The following ELF1 variants were observed in gnomAD, a reference collection of about 807,000 sequenced individuals.
ELF1 encodes the protein E74 like ETS transcription factor 1.
In ELF1, 24 loss-of-function variants were observed where a neutral mutation model predicts 59.9. The ratio of observed to expected loss-of-function variants is 0.40; its 90% CI spans 0.29 to 0.56. The LOEUF is 0.56. Among genes scored for constraint, ELF1 ranks in the 20% least tolerant of loss-of-function variants. ELF1 has a pLI of 0.44. For synonymous variants in ELF1, 248 were observed against 266.2 expected (o/e 0.93, Z 0.67); for missense variants, 627 against 742.2 (o/e 0.84, Z 1.80).
intron 1 of ELF1, among the ~76,000 whole-genome samples, chr13:41,045,517 A>C (rs577522056): frequency 6.6e-6 from 1 of 152,172 alleles, no homozygotes; most frequent in East Asian, 1.9e-4. Flanking sequence ...TTCAAAGAAC[A>C]TGTTTATTTC....
chr13:40,949,690 A>G (rs962971479), intron 5 of ELF1, 116 bp downstream of exon 5: 21 of 1,284,028 alleles, frequency 1.6e-5, no homozygotes, highest in Admixed American at 2.4e-5. Flanking sequence ...TGTGCCTTCA[A>G]TGTTTTTCTT....
At chr13:41,029,412 G>C (rs1593403222) in intron 1 of ELF1, among the ~76,000 whole-genome samples, 2 of 151,804 alleles carry the variant, frequency 1.3e-5, no homozygotes, top group Admixed American at 1.3e-4. Flanking sequence ...TATTTTTTTT[G>C]AAACAGTCCT....
At chr13:41,026,602 C>T (rs1875931245) in intron 1 of ELF1, among the ~76,000 whole-genome samples, 1 of 152,180 alleles carries the variant, frequency 6.6e-6, no homozygotes, top group Non-Finnish European at 1.5e-5. Flanking sequence ...TTGCCATCAA[C>T]TGCAGATAAT....
Position 40,933,670 on chromosome 13 carries a change from G to C in ELF1, c.1615C>G (p.Pro539Ala). ...SATAPVVTFS[P>A]RSSQLVAHPP... ...TGAGCAACCAGCTGTGAACTGCGAGGAGAAAAGGTCACCACAGGTGCAGTA... is the reference window on the plus strand; with the variant it reads ...TGAGCAACCAGCTGTGAACTGCGAGCAGAAAAGGTCACCACAGGTGCAGTA... The change falls in exon 9 of 9, where the codon CCT (proline) becomes GCT (alanine). Residue 539 changes from proline to alanine, a missense_variant. Coordinates refer to ENST00000239882, the MANE Select transcript of ELF1 (RefSeq NM_172373.4). The C allele has an allele frequency of 6.2e-7, 1 of 1,614,264 alleles. No individual in the cohort carries two copies. Among genetic ancestry groups the C allele is most frequent in the Non-Finnish European group, 8.5e-7 (1 of 1,180,060 alleles).
chr13:41,042,416 G>A (rs957498873), intron 1 of ELF1, among the ~76,000 whole-genome samples: 6 of 151,292 alleles, frequency 4.0e-5, no homozygotes, highest in Admixed American at 6.6e-5. Context: ...CCATTAACTC[G>A]TCATTTATAT....
intron 3 of ELF1, among the ~76,000 whole-genome samples, chr13:40,954,038 A>G (rs1871036596): frequency 6.6e-6 from 1 of 152,166 alleles, no homozygotes; most frequent in African/African-American, 2.4e-5. Flanking sequence ...CTAAACCCCC[A>G]CTAACTACAA....
At chr13:40,957,161 G>A (rs1396883301) in intron 3 of ELF1, among the ~76,000 whole-genome samples, 1 of 114,012 alleles carries the variant, frequency 8.8e-6, no homozygotes, top group Non-Finnish European at 2.1e-5. Context: ...GATGACCATA[G>A]TGAGGCCTGC....
intron 1 of ELF1, among the ~76,000 whole-genome samples, chr13:41,040,335 T>C (rs747758877): frequency 4.6e-5 from 7 of 152,212 alleles, no homozygotes; most frequent in Non-Finnish European, 1.0e-4. Context: ...GGTACAGGTA[T>C]GGAAAAATCT....
intron 7 of ELF1, among the ~76,000 whole-genome samples, chr13:40,942,342 T>C (rs1870225962): frequency 6.6e-6 from 1 of 152,194 alleles, no homozygotes; most frequent in African/African-American, 2.4e-5. Context: ...AATACATCTT[T>C]CTCAAATACA....
chr13:40,973,389 C>G (rs1724972201), intron 2 of ELF1, among the ~76,000 whole-genome samples: 2 of 152,110 alleles, frequency 1.3e-5, no homozygotes, highest in Admixed American at 1.3e-4. Context: ...GTTACTATTT[C>G]TAAAACACAC....
chr13:41,022,918 A>G (rs1875745107), upstream of ELF1, among the ~76,000 whole-genome samples: 1 of 152,178 alleles, frequency 6.6e-6, no homozygotes, highest in South Asian at 2.1e-4. Flanking sequence ...AGTTCTGCAC[A>G]TGTACCCCAG....
At chr13:40,956,136 G>A (rs1344216917) in intron 3 of ELF1, among the ~76,000 whole-genome samples, 1 of 150,246 alleles carries the variant, frequency 6.7e-6, no homozygotes, top group South Asian at 2.2e-4. Context: ...AGAAAGGGGG[G>A]AAAGGTGGGG....
chr13:41,011,761 A>C (rs1029510043), intron 1 of ELF1, among the ~76,000 whole-genome samples: 2 of 151,950 alleles, frequency 1.3e-5, no homozygotes, highest in Non-Finnish European at 1.5e-5. Context: ...TAACTGATGC[A>C]GAGTTTTCAT....
upstream of ELF1, among the ~76,000 whole-genome samples, chr13:41,023,280 C>G (rs1875757823): frequency 6.6e-6 from 1 of 152,124 alleles, no homozygotes; most frequent in Admixed American, 6.5e-5. Context: ...CTCAAAACTT[C>G]TAGTACAAAA....
At chr13:41,008,967 TTA>T (rs1491365210) in intron 1 of ELF1, among the ~76,000 whole-genome samples, 2 of 151,754 alleles carry the variant, frequency 1.3e-5, no homozygotes, top group Admixed American at 6.6e-5. Flanking sequence ...ACTTTTTTTT[TTA>T]AAAAAAACAG....
chr13:40,979,251 T>C (rs922942167), intron 2 of ELF1, among the ~76,000 whole-genome samples: 1 of 151,824 alleles, frequency 6.6e-6, no homozygotes, highest in Admixed American at 6.6e-5. Context: ...AAAATTATAG[T>C]GCTCCGTAAA....
rs199763794 is a variant in ELF1, at chr13:40,958,831, C to T, written c.253+5G>A. The stretch of plus-strand genomic sequence containing the variant: ...CAAGGTCCTACTGGATGGAGACACA[C>T]GCACCTGTAAGGGTGATGTCATCAT... On this transcript the variant is annotated splice_donor_5th_base_variant and intron_variant, in intron 3 of 8. Coordinates refer to ENST00000239882, the MANE Select transcript of ELF1 (RefSeq NM_172373.4). 206 of 1,603,884 alleles carry T rather than the reference C, an allele frequency of 1.3e-4. No homozygotes were observed. The highest frequency in any genetic ancestry group is 2.0e-4 in the Admixed American group (12 of 58,882).
chr13:40,959,531 C>A lies in ELF1; in HGVS notation c.73-515G>T, dbSNP rs139906019. On this transcript the variant is annotated intron_variant, in intron 2 of 8. Transcript: ENST00000239882. ...TAAAATAAATAATAATAATAAGATGCCATTAATGCATAAGCATGAACCAAG... is the reference window on the plus strand; with the variant it reads ...TAAAATAAATAATAATAATAAGATGACATTAATGCATAAGCATGAACCAAG... 1.9e-3 allele frequency among the ~76,000 whole-genome samples: 295 copies of A among 151,900 alleles called. 3 individuals are homozygous for A. In the East Asian group the frequency reaches 0.037, roughly 19 times the overall value.
chr13:41,052,846 T>C (rs998649385), intron 1 of ELF1, among the ~76,000 whole-genome samples: 1 of 152,234 alleles, frequency 6.6e-6, no homozygotes, highest in African/African-American at 2.4e-5. Flanking sequence ...CTTGTAAACC[T>C]ACATAAACGT....
Sources: allele counts gnomAD v4.1 joint callset (sites outside exome capture counted in the v4.1 genomes callset), GRCh38; gene constraint gnomAD v4.1.1; transcripts MANE v1.5; gene names NCBI Gene and HGNC (gene_info 2026-07-23, HGNC 2026-07-21).